The following HNRNPL variants were observed in gnomAD, a reference collection of about 807,000 sequenced individuals.
The protein encoded by HNRNPL is heterogeneous nuclear ribonucleoprotein L.
In HNRNPL, 12 loss-of-function variants were observed where a neutral mutation model predicts 64.0. The ratio of observed to expected loss-of-function variants is 0.19; its 90% CI spans 0.12 to 0.30. The LOEUF (loss-of-function observed/expected upper bound fraction) is 0.30. Ranked by LOEUF, HNRNPL falls within the 10% of genes least tolerant of loss-of-function variation. The pLI is 1.00. For synonymous variants in HNRNPL, 385 were observed against 313.0 expected (o/e 1.23, Z -2.43); for missense variants, 484 against 797.4 (o/e 0.61, Z 4.73).
intron 1 of HNRNPL, chr19:38,847,691 G>A (rs190526853): frequency 5.3e-5 from 14 of 264,042 alleles, no homozygotes; most frequent in African/African-American, 3.1e-4. Flanking sequence ...AACGGAGGGA[G>A]GGCCACACAA....
intron 2 of HNRNPL, among the ~76,000 whole-genome samples, chr19:38,846,896 A>T (rs1972314935): frequency 1.3e-5 from 2 of 152,144 alleles, no homozygotes; most frequent in Admixed American, 6.5e-5. Context: ...ACAGAGCAAG[A>T]GACTGTCTCA....
intron 10 of HNRNPL, among the ~76,000 whole-genome samples, chr19:38,837,902 AC>A (rs1160330278): frequency 6.6e-6 from 1 of 152,244 alleles, no homozygotes; most frequent in African/African-American, 2.4e-5. Context: ...GGATATCTGC[AC>A]CCGGCTGTTT....
chr19:38,851,883 G>C (rs1972511976), upstream of HNRNPL, among the ~76,000 whole-genome samples: 7 of 152,148 alleles, frequency 4.6e-5, no homozygotes, highest in Admixed American at 4.6e-4. Flanking sequence ...CCGGACACCA[G>C]GAAGATCCGA....
At chr19:38,837,955 C>G (rs1189886913) in intron 10 of HNRNPL, among the ~76,000 whole-genome samples, 3 of 152,224 alleles carry the variant, frequency 2.0e-5, no homozygotes, top group African/African-American at 7.2e-5. Context: ...CATTTCAGAC[C>G]ACAGCCAGAT....
intron 1 of HNRNPL, among the ~76,000 whole-genome samples, chr19:38,848,013 G>C (rs904920979): frequency 1.3e-5 from 2 of 152,186 alleles, no homozygotes; most frequent in African/African-American, 2.4e-5. Flanking sequence ...ACCCCTTCTA[G>C]TCTTGAATCG....
intron 6 of HNRNPL, chr19:38,841,922 G>A (rs1972129774): frequency 2.8e-6 from 1 of 355,966 alleles, no homozygotes; most frequent in Non-Finnish European, 5.5e-6. Flanking sequence ...TTCTGGCTGT[G>A]TAGCGCTCCG....
chr19:38,840,799 G>A (rs983595742), intron 6 of HNRNPL: 4 of 532,346 alleles, frequency 7.5e-6, no homozygotes, highest in African/African-American at 4.0e-5. Context: ...TTCTGTGAAG[G>A]ACAAGGCCAG....
intron 6 of HNRNPL, 29 bp downstream of exon 6, chr19:38,843,813 G>T: frequency 6.3e-7 from 1 of 1,586,140 alleles, no homozygotes; most frequent in African/African-American, 1.3e-5. Flanking sequence ...AGGCGGGTAT[G>T]TTTAGAACAA....
At chr19:38,838,111 T>C (rs570598835) in intron 10 of HNRNPL, among the ~76,000 whole-genome samples, 1 of 152,236 alleles carries the variant, frequency 6.6e-6, no homozygotes, top group Non-Finnish European at 1.5e-5. Context: ...TCACTGGGCC[T>C]GTGAAGCAGC....
At chr19:38,837,753 A>G in intron 10 of HNRNPL, 102 bp from the exon 11 acceptor site, 2 of 963,872 alleles carry the variant, frequency 2.1e-6, no homozygotes, top group Admixed American at 4.4e-5. Context: ...TGAAGTTTTC[A>G]GGAGAAAAGG....
At position 38,849,947 on chromosome 19, in the gene HNRNPL, G is replaced by A. The variant is rs1180329994; in HGVS notation, c.20C>T (p.Pro7Leu). 2.2e-6 allele frequency: 3 copies of A among 1,354,974 alleles called. No individual in the cohort carries two copies. The highest frequency in any genetic ancestry group is 3.2e-5 in the Admixed American group (1 of 31,654). The allele number at this position is 1,354,974 out of a possible 1,614,324, so 83.9% of individuals were successfully genotyped here. A position where few individuals can be genotyped will look rare whatever the true frequency, so the allele number is the denominator to read the frequency against. Residue 7 changes from proline (P) to leucine (L), a missense_variant, in exon 1 of 13, where the codon CCC (proline) becomes CTC (leucine). Around this residue, in one of 9 missense-constraint regions of HNRNPL, gnomAD observed 190 missense variants for 160.1 expected, o/e 1.19. Transcript: ENST00000221419. ...CCGCCGACGCCGCTTCTCCGCCCGG[G>A]GCAGCAGCCTCCGCGACATGGCGGC... MSRRLL[P>L]RAEKRRRRLE...
intron 6 of HNRNPL, chr19:38,841,566 G>C (rs1337060614): frequency 2.5e-6 from 2 of 803,004 alleles, no homozygotes; most frequent in Admixed American, 2.3e-5. Context: ...GAAGTACAGA[G>C]TACAATGTCC....
chr19:38,842,890 A>G (rs1296819422), intron 6 of HNRNPL, among the ~76,000 whole-genome samples: 1 of 152,182 alleles, frequency 6.6e-6, no homozygotes, highest in African/African-American at 2.4e-5. Context: ...TGTTTCTGTT[A>G]GCAGTCATGT....
At chr19:38,841,620 C>CT (rs1568369961) in intron 6 of HNRNPL, 1 of 1,267,672 alleles carries the variant, frequency 7.9e-7, no homozygotes, top group East Asian at 5.6e-5. Context: ...TACCATTGGA[C>CT]GCTTCAACAG....
At chr19:38,849,490 C>A (rs945149135) in intron 1 of HNRNPL, 85 of 614,324 alleles carry the variant, frequency 1.4e-4, no homozygotes, top group Admixed American at 2.2e-4. Flanking sequence ...TGCGCTCCCC[C>A]ACACCCCGCT....
chr19:38,843,250 T>C (rs566265078), intron 6 of HNRNPL: 1 of 153,798 alleles, frequency 6.5e-6, no homozygotes, highest in East Asian at 1.9e-4. Flanking sequence ...AGGCAAACCA[T>C]TCTTGACAGA....
chr19:38,837,313 C>T (rs1971961736), intron 12 of HNRNPL, 71 bp downstream of exon 12: 3 of 1,200,810 alleles, frequency 2.5e-6, no homozygotes, highest in South Asian at 1.2e-5. Context: ...GCAGGAAGGA[C>T]ATCCCTGGCC....
rs924057193 is a variant in HNRNPL at position 38,849,414 on chromosome 19, C to T, written c.267+286G>A. 10 of 369,612 alleles carry T rather than the reference C, an allele frequency of 2.7e-5. No homozygotes were observed. The Admixed American group carries it at 3.7e-4, about 14-fold the overall frequency. The allele number at this position is 369,612 out of a possible 1,614,324, so 22.9% of individuals were successfully genotyped here. A position where few individuals can be genotyped will look rare whatever the true frequency, so the allele number is the denominator to read the frequency against. ...GAAAAAAACCGGCCGGGCCGCGTGC[C>T]CGGCCCCCACACGCCAGCCCGCGGC... On this transcript the variant is annotated intron_variant, in intron 1 of 12. Transcript: ENST00000221419.
intron 8 of HNRNPL, chr19:38,839,750 C>T (rs1568368062): frequency 4.0e-6 from 1 of 249,882 alleles, no homozygotes; most frequent in Non-Finnish European, 7.8e-6. Flanking sequence ...GCAGAAGGCC[C>T]GGTGTTGCCA....
Sources: allele counts gnomAD v4.1 joint callset (sites outside exome capture counted in the v4.1 genomes callset), GRCh38; gene constraint gnomAD v4.1.1; regional missense constraint gnomAD v4.1.1; transcripts MANE v1.5; gene names NCBI Gene and HGNC (gene_info 2026-07-23, HGNC 2026-07-21).